The following MESP1 variants were observed in gnomAD, a reference collection of about 807,000 sequenced individuals.
The protein encoded by MESP1 is mesoderm posterior bHLH transcription factor 1, also known as mesoderm posterior protein 1.
In MESP1, 22 loss-of-function variants were observed where a neutral mutation model predicts 15.2. The observed-to-expected ratio is 1.45, with a 90% CI of 1.04 to 2.07. The LOEUF is 2.07. Among genes scored for constraint, MESP1 ranks in the 30% most tolerant of loss-of-function variants. The pLI is 0.00. For synonymous variants in MESP1, 216 were observed against 192.6 expected, an observed-to-expected ratio of 1.12 and a Z score of -1.01; for missense variants, 484 against 411.9, an observed-to-expected ratio of 1.17 and a Z score of -1.51.
chr15:89,747,617 GTA>G (rs1306819323), downstream of MESP1, among the ~76,000 whole-genome samples: 2,485 of 152,296 alleles, frequency 0.016, 82 homozygotes, highest in African/African-American at 0.057. Context: ...GCGCCCCCCA[GTA>G]CCCTCTGTTC....
At chr15:89,733,861 A>C in the MESP1 span, among the ~76,000 whole-genome samples, 2 of 152,210 alleles carry the variant, frequency 1.3e-5, no homozygotes, top group African/African-American at 4.8e-5. Flanking sequence ...GGATTAAGAC[A>C]ACATCCTTCC....
the MESP1 span, among the ~76,000 whole-genome samples, chr15:89,742,074 T>C: frequency 6.6e-6 from 1 of 151,644 alleles, no homozygotes; most frequent in Non-Finnish European, 1.5e-5. Context: ...TAAGATAGCA[T>C]TCACCATTTT....
chr15:89,733,310 C>A, the MESP1 span: 2 of 1,213,620 alleles, frequency 1.6e-6, no homozygotes, highest in Non-Finnish European at 1.2e-6. Flanking sequence ...TCTCTGACTA[C>A]AGTCCACCTT....
the MESP1 span, among the ~76,000 whole-genome samples, chr15:89,736,561 G>A: frequency 6.6e-6 from 1 of 152,012 alleles, no homozygotes; most frequent in Non-Finnish European, 1.5e-5. Context: ...TGACCGTGAG[G>A]GGCCCCAGGG....
the MESP1 span, among the ~76,000 whole-genome samples, chr15:89,744,059 G>A: frequency 6.6e-6 from 1 of 152,174 alleles, no homozygotes; most frequent in Non-Finnish European, 1.5e-5. Context: ...AACAGACGGA[G>A]GGGTCCCCAG....
the MESP1 span, chr15:89,733,222 C>A: frequency 6.2e-7 from 1 of 1,611,710 alleles, no homozygotes; most frequent in South Asian, 1.1e-5. Context: ...GTTGAGAGGT[C>A]AGTAGCTTGA....
chr15:89,737,514 C>T, the MESP1 span: 1 of 1,606,690 alleles, frequency 6.2e-7, no homozygotes, highest in Non-Finnish European at 8.5e-7. Flanking sequence ...CTCTACACGA[C>T]CTTCCTGTGA....
At chr15:89,738,297 A>G in the MESP1 span, 2 of 1,489,298 alleles carry the variant, frequency 1.3e-6, no homozygotes, top group Non-Finnish European at 1.8e-6. Flanking sequence ...ATTGAGGGAT[A>G]GTGGAGTTTC....
downstream of MESP1, among the ~76,000 whole-genome samples, chr15:89,745,618 C>T (rs761042162): frequency 8.6e-5 from 13 of 152,038 alleles, no homozygotes; most frequent in African/African-American, 3.1e-4. This position sits in a 1 kb window ranked among gnomAD's most constrained non-coding sequence, Gnocchi z 4.8. Context: ...AAAAAATTAG[C>T]GAGGCGTAGT....
chr15:89,750,826 G>T lies in MESP1; in HGVS notation c.406C>A (p.Leu136Met). ...LRLAIRYIGH[L>M]SAVLGLSEES... The stretch of plus-strand genomic sequence containing the variant: ...TCGCTGAGGCCTAGCACGGCCGACA[G>T]GTGGCCGATATAGCGGATAGCCAGG... Residue 136 changes from leucine (L) to methionine (M), a missense_variant, in exon 1 of 2, where the codon CTG becomes ATG. By Grantham distance (15) the Leu-to-Met change is conservative. Transcript: ENST00000300057. The T allele has an allele frequency of 5.9e-6, 9 of 1,531,784 alleles. No homozygotes were observed. The highest frequency in any genetic ancestry group is 7.0e-6 in the Non-Finnish European group (8 of 1,145,246). The allele number at this position is 1,531,784 out of a possible 1,614,324, so 94.9% of individuals were successfully genotyped here. A position where few individuals can be genotyped will look rare whatever the true frequency, so the allele number is the denominator to read the frequency against.
At chr15:89,747,592 C>A (rs997382084), downstream of MESP1, among the ~76,000 whole-genome samples, 1 of 152,144 alleles carries the variant, frequency 6.6e-6, no homozygotes, top group Non-Finnish European at 1.5e-5. Flanking sequence ...CTGACTGGGC[C>A]TCAGGGGAGG....
chr15:89,733,788 A>C, the MESP1 span, among the ~76,000 whole-genome samples: 1 of 152,284 alleles, frequency 6.6e-6, no homozygotes, highest in African/African-American at 2.4e-5. Flanking sequence ...AACTGTAAGA[A>C]ATAAATTCCT....
chr15:89,736,916 C>T, the MESP1 span, among the ~76,000 whole-genome samples: 5 of 152,066 alleles, frequency 3.3e-5, no homozygotes, highest in South Asian at 8.3e-4. Flanking sequence ...CTCAGCCTCC[C>T]GAGTAGCTGG....
downstream of MESP1, chr15:89,749,501 C>T (rs1353416116): frequency 6.6e-6 from 1 of 152,372 alleles, no homozygotes; most frequent in Non-Finnish European, 1.5e-5. Flanking sequence ...GGCTTGAGCG[C>T]TGATCCTCAT....
At chr15:89,746,417 A>C (rs1305861825), downstream of MESP1, among the ~76,000 whole-genome samples, 1 of 142,208 alleles carries the variant, frequency 7.0e-6, no homozygotes, top group East Asian at 2.1e-4. Flanking sequence ...ACACCTCCAC[A>C]CATCCACACC....
chr15:89,735,523 C>T, the MESP1 span: 110 of 1,614,114 alleles, frequency 6.8e-5, no homozygotes, highest in South Asian at 6.3e-4. Flanking sequence ...CCATCTGTGC[C>T]GTGGCCCCAG....
At chr15:89,733,455 T>C in the MESP1 span, among the ~76,000 whole-genome samples, 1 of 152,260 alleles carries the variant, frequency 6.6e-6, no homozygotes, top group Admixed American at 6.5e-5. Context: ...CCAAAACCCA[T>C]GTGAAAACTC....
At chr15:89,740,190 C>G in the MESP1 span, among the ~76,000 whole-genome samples, 3 of 152,182 alleles carry the variant, frequency 2.0e-5, no homozygotes, top group Non-Finnish European at 4.4e-5. Flanking sequence ...TGATGGCTCC[C>G]TGCTAATCCA....
chr15:89,733,196 C>T, the MESP1 span: 10 of 1,613,818 alleles, frequency 6.2e-6, no homozygotes, highest in South Asian at 2.2e-5. Context: ...CCCAAGGACC[C>T]ACCATCAGTG....
Sources: gnomAD v4.1 joint callset for allele counts (sites outside exome capture counted in the v4.1 genomes callset) on GRCh38, gnomAD v4.1.1 for gene constraint, Gnocchi (gnomAD v3.1) non-coding constraint, MANE v1.5 for transcripts, NCBI Gene and HGNC (gene_info 2026-07-23, HGNC 2026-07-21) for gene names.